Variants in ZNF474 observed in about 807,000 individuals in gnomAD.
ZNF474 encodes zinc finger protein 474.
For synonymous variants in ZNF474, 192 were observed against 162.2 expected (o/e 1.18, Z -1.39); for missense variants, 511 against 433.8 (o/e 1.18, Z -1.58).
At chr5:122,131,833 A>T (rs892269719) in intron 1 of ZNF474, among the ~76,000 whole-genome samples, 4 of 151,950 alleles carry the variant, frequency 2.6e-5, no homozygotes, top group Non-Finnish European at 5.9e-5. Flanking sequence ...CCCATTTAAC[A>T]TTTTTTCTTT....
chr5:122,139,850 G>C (rs1529436), intron 1 of ZNF474, among the ~76,000 whole-genome samples: 129,387 of 152,266 alleles, frequency 0.85, 55,437 homozygotes, highest in African/African-American at 0.96. Flanking sequence ...GAAGAAAAAA[G>C]CTTTTAAGGC....
At chr5:122,148,770 CTT>C (rs1300774583) in intron 1 of ZNF474, among the ~76,000 whole-genome samples, 1 of 151,388 alleles carries the variant, frequency 6.6e-6, no homozygotes, top group Non-Finnish European at 1.5e-5. Flanking sequence ...GAGTTTCACT[CTT>C]GTCAGCTAGG....
intron 1 of ZNF474, among the ~76,000 whole-genome samples, chr5:122,151,122 T>A: frequency 6.6e-6 from 1 of 152,232 alleles, no homozygotes; most frequent in East Asian, 1.9e-4. Flanking sequence ...GCAAGAGTTC[T>A]TAATTTCAGG....
intron 1 of ZNF474, among the ~76,000 whole-genome samples, chr5:122,132,043 A>G (rs1319795759): frequency 2.0e-5 from 3 of 152,124 alleles, no homozygotes; most frequent in Non-Finnish European, 4.4e-5. Context: ...ACTTTCTGTC[A>G]CTACAGATTA....
At position 122,152,405 on chromosome 5, in the gene ZNF474, C is replaced by A. The variant is rs568017885; in HGVS notation, c.415C>A (p.Pro139Thr). Residue 139 changes from proline to threonine, a missense_variant, in exon 2 of 2, where the codon CCA becomes ACA. Transcript: ENST00000296600. ...KHLRRPEPSKPQSLSSSGSYS... is the reference protein window; with the variant it reads ...KHLRRPEPSKTQSLSSSGSYS... The stretch of plus-strand genomic sequence containing the variant: ...TTTGAGGAGGCCAGAACCCTCCAAA[C>A]CACAGTCTCTCAGCAGCAGTGGGTC... 1.9e-6 allele frequency: 3 copies of A among 1,614,194 alleles called. No homozygotes were observed. In the South Asian group the frequency reaches 3.3e-5, roughly 18 times the overall value.
chr5:122,133,155 G>A (rs1480198803), intron 1 of ZNF474, among the ~76,000 whole-genome samples: 2 of 152,188 alleles, frequency 1.3e-5, no homozygotes, highest in Non-Finnish European at 2.9e-5. Context: ...AATATAGAAT[G>A]TGACTTGAAC....
At chr5:122,141,894 G>A (rs1430013159) in intron 1 of ZNF474, among the ~76,000 whole-genome samples, 2 of 152,164 alleles carry the variant, frequency 1.3e-5, no homozygotes, top group Non-Finnish European at 2.9e-5. Context: ...TTCTGCTGCT[G>A]TCTATCTCTC....
chr5:122,152,812 C>G lies in ZNF474; in HGVS notation c.822C>G (p.Ser274=). The G allele has an allele frequency of 2.5e-6, 4 of 1,614,162 alleles. No individual in the cohort carries two copies. Among genetic ancestry groups the G allele is most frequent in the Non-Finnish European group, 3.4e-6 (4 of 1,180,024 alleles). Residue 274 remains serine (S), a synonymous_variant, in exon 2 of 2, where the codon TCC becomes TCG. Transcript: ENST00000296600. ...QKPQPLPNAQ[S]SQAGPNQAQL... is the part of the protein sequence containing the mutation. ...CTCAGCCCCTTCCGAATGCACAGTCCAGCCAAGCGGGACCAAATCAAGCTC... is the reference window on the plus strand; with the variant it reads ...CTCAGCCCCTTCCGAATGCACAGTCGAGCCAAGCGGGACCAAATCAAGCTC...
In ZNF474 at chr5:122,152,242, C is replaced by G; in HGVS notation, c.252C>G (p.Pro84=). The G allele has an allele frequency of 6.2e-7, 1 of 1,614,206 alleles. No homozygotes were observed. The highest frequency in any genetic ancestry group is 8.5e-7 in the Non-Finnish European group (1 of 1,180,038). Residue 84 remains proline, a synonymous_variant, in exon 2 of 2, where the codon CCC becomes CCG. Coordinates refer to ENST00000296600, the MANE Select transcript of ZNF474 (RefSeq NM_207317.3). ...RRIISESQLS[P]PVIPARRPGF... ...TTATATCGGAAAGCCAGCTTAGCCC[C>G]CCTGTGATCCCGGCCCGCAGGCCTG...
rs140183345 is a variant in ZNF474 at position 122,142,749 on chromosome 5, T to C, written c.-212-9030T>C. 2.4e-3 allele frequency among the ~76,000 whole-genome samples: 372 copies of C among 152,282 alleles called. 2 individuals are homozygous for C. The highest frequency in any genetic ancestry group is 0.01 in the Middle Eastern group (3 of 294). On this transcript the variant is annotated intron_variant, in intron 1 of 1. Transcript: ENST00000296600. The stretch of plus-strand genomic sequence containing the variant: ...ATGTCAAATGGTATGACAATCATAT[T>C]TTGATGACTTATTCACATAGAAGGA...
intron 1 of ZNF474, among the ~76,000 whole-genome samples, chr5:122,143,028 G>T (rs1755890148): frequency 6.6e-6 from 1 of 152,088 alleles, no homozygotes; most frequent in Non-Finnish European, 1.5e-5. Flanking sequence ...TATTAACAAA[G>T]GGTGTTGATG....
chr5:122,150,460 TC>T (rs1368583759), intron 1 of ZNF474, among the ~76,000 whole-genome samples: 1 of 152,172 alleles, frequency 6.6e-6, no homozygotes, highest in Non-Finnish European at 1.5e-5. Context: ...CTTTATCAAA[TC>T]CAGTGCCCAG....
chr5:122,130,390 G>A (rs369792024), intron 1 of ZNF474, among the ~76,000 whole-genome samples: 1 of 152,104 alleles, frequency 6.6e-6, no homozygotes, highest in African/African-American at 2.4e-5. Context: ...TGTCCTCAAA[G>A]AATAGTTGGC....
At chr5:122,131,474 C>A (rs530222418) in intron 1 of ZNF474, among the ~76,000 whole-genome samples, 5 of 151,848 alleles carry the variant, frequency 3.3e-5, no homozygotes, top group Admixed American at 6.6e-5. Flanking sequence ...TATTATTGAA[C>A]CTTAAAAAAG....
rs1482369856 is a variant in ZNF474, at chr5:122,137,833, A to T, written c.-213+8150A>T. ...TCAGTCAGCAGAGGTTTAAGTTGTG[A>T]TTGTAGCTTAAGGAGTTAAATGTGA... On this transcript the variant is annotated intron_variant, in intron 1 of 1. Transcript: ENST00000296600. Among the ~76,000 whole-genome samples the T allele has an allele frequency of 2.6e-5, 4 of 152,156 alleles. No homozygotes were observed. In the East Asian group the frequency reaches 7.7e-4, roughly 29 times the overall value.
chr5:122,144,741 T>C (rs910326951), intron 1 of ZNF474, among the ~76,000 whole-genome samples: 3 of 152,240 alleles, frequency 2.0e-5, no homozygotes, highest in African/African-American at 7.2e-5. Flanking sequence ...AGACTTGTTA[T>C]TCGACTCTTC....
At chr5:122,136,847 T>C (rs1355979916) in intron 1 of ZNF474, among the ~76,000 whole-genome samples, 1 of 152,234 alleles carries the variant, frequency 6.6e-6, no homozygotes, top group African/African-American at 2.4e-5. Flanking sequence ...AAAAATTTAA[T>C]ATAACATCAA....
At position 122,153,154 on chromosome 5, in the gene ZNF474, G is replaced by C; in HGVS notation, c.*69G>C. ...CTAGTATTTTTTCTATCAATGCCTTGTATCAGCCTCAAAGCAGCCTGTTCA... is the reference window on the plus strand; with the variant it reads ...CTAGTATTTTTTCTATCAATGCCTTCTATCAGCCTCAAAGCAGCCTGTTCA... On this transcript the variant is annotated 3_prime_UTR_variant, in exon 2 of 2. Transcript: ENST00000296600. The C allele has an allele frequency of 6.5e-7, 1 of 1,533,736 alleles. No individual in the cohort carries two copies. Among genetic ancestry groups the C allele is most frequent in the East Asian group, 2.3e-5 (1 of 44,256 alleles).
At chr5:122,150,192 T>C (rs1157785882) in intron 1 of ZNF474, among the ~76,000 whole-genome samples, 1 of 152,186 alleles carries the variant, frequency 6.6e-6, no homozygotes, top group Non-Finnish European at 1.5e-5. Context: ...ATTCCTATGT[T>C]CCATAGATCT....
Sources: allele counts gnomAD v4.1 joint callset (sites outside exome capture counted in the v4.1 genomes callset), GRCh38; gene constraint gnomAD v4.1.1; transcripts MANE v1.5; gene names NCBI Gene and HGNC (gene_info 2026-07-23, HGNC 2026-07-21).